The following C7orf78 variants were observed in gnomAD, a reference collection of about 807,000 sequenced individuals.
The protein encoded by C7orf78 is chromosome 7 open reading frame 78.
the C7orf78 span, among the ~76,000 whole-genome samples, chr7:12,493,934 C>T: frequency 6.6e-6 from 1 of 152,090 alleles, no homozygotes. Context: ...TGAAATTGGA[C>T]AAATAAAACT....
At chr7:12,520,153 G>A in the C7orf78 span, among the ~76,000 whole-genome samples, 1 of 152,194 alleles carries the variant, frequency 6.6e-6, no homozygotes, top group Non-Finnish European at 1.5e-5. Context: ...AGCCAATCTT[G>A]GCCAAGCTAA....
chr7:12,532,625 T>G, the C7orf78 span, among the ~76,000 whole-genome samples: 1 of 152,034 alleles, frequency 6.6e-6, no homozygotes, highest in Non-Finnish European at 1.5e-5. Flanking sequence ...TTTTCTTAAC[T>G]CCTGTACCAC....
the C7orf78 span, among the ~76,000 whole-genome samples, chr7:12,498,056 A>G: frequency 6.6e-6 from 1 of 151,788 alleles, no homozygotes; most frequent in Non-Finnish European, 1.5e-5. Context: ...ACAAACAGAA[A>G]GGACATCCAC....
At chr7:12,499,272 T>A in the C7orf78 span, among the ~76,000 whole-genome samples, 1 of 152,002 alleles carries the variant, frequency 6.6e-6, no homozygotes, top group African/African-American at 2.4e-5. Flanking sequence ...ATGCTCCAAT[T>A]AAAAGACACA....
At chr7:12,519,376 G>A in the C7orf78 span, among the ~76,000 whole-genome samples, 1 of 152,152 alleles carries the variant, frequency 6.6e-6, no homozygotes, top group Non-Finnish European at 1.5e-5. Flanking sequence ...CAGCTGCAGT[G>A]AAATGCAGAG....
the C7orf78 span, among the ~76,000 whole-genome samples, chr7:12,503,607 T>G: frequency 0.097 from 14,696 of 151,242 alleles, 871 homozygotes; most frequent in Non-Finnish European, 0.13. Flanking sequence ...GAAGTTTTCT[T>G]TCTTTTTTTT....
At chr7:12,493,390 T>A in the C7orf78 span, among the ~76,000 whole-genome samples, 1 of 152,222 alleles carries the variant, frequency 6.6e-6, no homozygotes, top group Non-Finnish European at 1.5e-5. Flanking sequence ...GTATTAGCAA[T>A]TCCCTGACTA....
the C7orf78 span, among the ~76,000 whole-genome samples, chr7:12,532,475 G>C: frequency 6.6e-6 from 1 of 151,792 alleles, no homozygotes; most frequent in Non-Finnish European, 1.5e-5. Flanking sequence ...CTTGAACCTG[G>C]GAGGCAGAGG....
the C7orf78 span, chr7:12,530,471 G>C: frequency 1.3e-5 from 2 of 152,168 alleles, no homozygotes; most frequent in Non-Finnish European, 2.9e-5. Flanking sequence ...TGTTTTGTCA[G>C]TCTTAAGATC....
chr7:12,524,960 A>T, the C7orf78 span, among the ~76,000 whole-genome samples: 1 of 110,676 alleles, frequency 9.0e-6, no homozygotes, highest in Non-Finnish European at 2.3e-5. Flanking sequence ...AATTGGAGGC[A>T]GAGTGTTATA....
the C7orf78 span, among the ~76,000 whole-genome samples, chr7:12,486,084 T>C: frequency 6.6e-6 from 1 of 152,088 alleles, no homozygotes; most frequent in Non-Finnish European, 1.5e-5. Flanking sequence ...CTTCTACACA[T>C]TTGTTTTGCC....
At chr7:12,539,779 G>A in the C7orf78 span, among the ~76,000 whole-genome samples, 1 of 152,168 alleles carries the variant, frequency 6.6e-6, no homozygotes, top group Non-Finnish European at 1.5e-5. Context: ...AAACCTATGG[G>A]TTTATATAAC....
At chr7:12,514,793 A>AT in the C7orf78 span, among the ~76,000 whole-genome samples, 7,946 of 152,132 alleles carry the variant, frequency 0.052, 293 homozygotes, top group Middle Eastern at 0.12. Flanking sequence ...TCCCTTGAGC[A>AT]TTTTTTGTAG....
the C7orf78 span, among the ~76,000 whole-genome samples, chr7:12,523,608 T>C: frequency 2.0e-5 from 3 of 152,198 alleles, no homozygotes; most frequent in Non-Finnish European, 4.4e-5. Context: ...CAATAAATGA[T>C]AGAACAGAGA....
At chr7:12,498,168 G>T in the C7orf78 span, among the ~76,000 whole-genome samples, 169 of 151,560 alleles carry the variant, frequency 1.1e-3, 1 homozygote, top group South Asian at 0.011. Flanking sequence ...ACTCTAAAAA[G>T]CAGAGCGCCT....
the C7orf78 span, among the ~76,000 whole-genome samples, chr7:12,495,811 T>C: frequency 2.0e-5 from 3 of 152,234 alleles, no homozygotes; most frequent in Non-Finnish European, 4.4e-5. Flanking sequence ...TCAAATAACT[T>C]ACTTAAAAGC....
the C7orf78 span, among the ~76,000 whole-genome samples, chr7:12,501,494 G>C: frequency 1.3e-5 from 2 of 151,650 alleles, no homozygotes; most frequent in Non-Finnish European, 2.9e-5. Flanking sequence ...GCTTCAAAGA[G>C]AATAAAATAC....
At chr7:12,499,855 A>C in the C7orf78 span, among the ~76,000 whole-genome samples, 2 of 147,784 alleles carry the variant, frequency 1.4e-5, no homozygotes, top group Non-Finnish European at 3.0e-5. Flanking sequence ...ACAAATGTAA[A>C]AGAACAGAAA....
the C7orf78 span, among the ~76,000 whole-genome samples, chr7:12,532,030 G>A: frequency 2.0e-5 from 3 of 152,120 alleles, no homozygotes; most frequent in Non-Finnish European, 4.4e-5. Flanking sequence ...TTATGCAAAT[G>A]GACTCTCCAC....
Sources: gnomAD v4.1 joint callset for allele counts (sites outside exome capture counted in the v4.1 genomes callset) on GRCh38, gnomAD v4.1.1 for gene constraint, MANE v1.5 for transcripts, NCBI Gene and HGNC (gene_info 2026-07-23, HGNC 2026-07-21) for gene names.